LRP1B: variants seen among roughly 807,000 people sequenced by gnomAD.
LRP1B encodes low-density lipoprotein receptor-related protein 1B.
Under a neutral mutation model 556.6 loss-of-function variants are expected in LRP1B, and 217 were observed. The observed-to-expected ratio is 0.39, with a 90% confidence interval of 0.35 to 0.44. The LOEUF is 0.44. Among genes scored for constraint, LRP1B ranks in the 20% least tolerant of loss-of-function variants. The pLI is 1.00. For synonymous variants in LRP1B, 2,047 were observed against 1,865.8 expected, an observed-to-expected ratio of 1.10 and a Z score of -2.50; for missense variants, 5,053 against 5,620.8, an observed-to-expected ratio of 0.90 and a Z score of 3.23.
intron 43 of LRP1B, among the ~76,000 whole-genome samples, chr2:140,552,656 C>A (rs1051517661): frequency 2.6e-5 from 4 of 152,046 alleles, no homozygotes; most frequent in Non-Finnish European, 4.4e-5. Flanking sequence ...TTATGTAGAG[C>A]GCAGAAGCCT....
At chr2:141,006,111 G>T (rs754535965) in intron 14 of LRP1B, among the ~76,000 whole-genome samples, 13 of 151,980 alleles carry the variant, frequency 8.6e-5, no homozygotes, top group Non-Finnish European at 1.3e-4. Context: ...CATTATTCAT[G>T]AACGTATGTG....
At chr2:141,866,648 T>G (rs551305765) in intron 1 of LRP1B, among the ~76,000 whole-genome samples, 1 of 152,096 alleles carries the variant, frequency 6.6e-6, no homozygotes, top group African/African-American at 2.4e-5. Flanking sequence ...ACCGAGAACA[T>G]GTTTTTACTT....
At chr2:141,526,241 T>C (rs1684689765) in intron 2 of LRP1B, among the ~76,000 whole-genome samples, 2 of 152,036 alleles carry the variant, frequency 1.3e-5, no homozygotes, top group South Asian at 4.1e-4. Flanking sequence ...AATCAATGTT[T>C]CTCTTTAGTA....
chr2:141,018,878 T>G (rs1281697186), intron 12 of LRP1B, among the ~76,000 whole-genome samples: 2 of 152,084 alleles, frequency 1.3e-5, no homozygotes, highest in Admixed American at 6.6e-5. Flanking sequence ...TATTTGGAGC[T>G]ACTCTTAACA....
intron 17 of LRP1B, among the ~76,000 whole-genome samples, chr2:140,986,181 T>C (rs1696918584): frequency 6.6e-6 from 1 of 152,076 alleles, no homozygotes. Flanking sequence ...TTTGTTGATA[T>C]TTGAGTTCTC....
chr2:140,254,451 A>G (rs1469406656), intron 86 of LRP1B, among the ~76,000 whole-genome samples: 1 of 152,212 alleles, frequency 6.6e-6, no homozygotes, highest in Admixed American at 6.5e-5. Context: ...GGAAATGAAT[A>G]AGACATACAA....
intron 35 of LRP1B, among the ~76,000 whole-genome samples, chr2:140,734,573 C>G (rs1254230375): frequency 6.6e-6 from 1 of 152,208 alleles, no homozygotes; most frequent in Non-Finnish European, 1.5e-5. Context: ...TTGTCCAGGA[C>G]TCTCCTGATT....
rs488576 is a variant in LRP1B at position 140,644,444 on chromosome 2, G to C, written c.6800-42805C>G. ...AGACAGTGTCTTCCTCTGTCACCTAGGCCAGAGGGAGTGGCACTATGTTCA... is the reference window on the plus strand; with the variant it reads ...AGACAGTGTCTTCCTCTGTCACCTACGCCAGAGGGAGTGGCACTATGTTCA... On this transcript the variant is annotated intron_variant, in intron 41 of 90. Coordinates refer to ENST00000389484, the MANE Select transcript of LRP1B (RefSeq NM_018557.3). Among the ~76,000 whole-genome samples, 1,281 of 143,450 alleles carry C rather than the reference G, an allele frequency of 8.9e-3. 19 individuals are homozygous for C. Among genetic ancestry groups the C allele is most frequent in the African/African-American group, 0.032 (1,225 of 38,238 alleles). The allele number at this position is 143,450 out of a possible 152,430, so 94.1% of individuals were successfully genotyped here.
chr2:140,674,941 C>T (rs1029778513), intron 41 of LRP1B, among the ~76,000 whole-genome samples: 8 of 152,206 alleles, frequency 5.3e-5, no homozygotes, highest in African/African-American at 1.9e-4. Flanking sequence ...TTCAGTCTTA[C>T]AATCAAGATG....
intron 7 of LRP1B, among the ~76,000 whole-genome samples, chr2:141,103,644 A>G (rs1268385701): frequency 6.6e-6 from 1 of 151,688 alleles, no homozygotes; most frequent in Non-Finnish European, 1.5e-5. Flanking sequence ...AACATTTTTG[A>G]ATCACCAAGC....
intron 3 of LRP1B, among the ~76,000 whole-genome samples, chr2:141,409,126 A>G (rs1690754771): frequency 6.6e-6 from 1 of 152,198 alleles, no homozygotes; most frequent in African/African-American, 2.4e-5. Flanking sequence ...GTATACTAAT[A>G]TCTATCATTT....
At chr2:140,465,435 C>T (rs1166093506) in intron 60 of LRP1B, among the ~76,000 whole-genome samples, 2 of 152,160 alleles carry the variant, frequency 1.3e-5, no homozygotes, top group Non-Finnish European at 2.9e-5. Context: ...TAGATTCAAC[C>T]TCAGCCAAAT....
At chr2:140,555,556 A>G (rs1230542687) in intron 43 of LRP1B, among the ~76,000 whole-genome samples, 3 of 152,096 alleles carry the variant, frequency 2.0e-5, no homozygotes, top group African/African-American at 7.2e-5. Flanking sequence ...AATAATTGTT[A>G]GCTATAATTA....
intron 63 of LRP1B, among the ~76,000 whole-genome samples, chr2:140,445,117 T>C (rs1686598808): frequency 6.6e-6 from 1 of 151,980 alleles, no homozygotes; most frequent in Non-Finnish European, 1.5e-5. Flanking sequence ...ATTCTCTCTC[T>C]CTCTTTTTTT....
chr2:141,428,527 A>T (rs1680454442), intron 3 of LRP1B, among the ~76,000 whole-genome samples: 1 of 152,204 alleles, frequency 6.6e-6, no homozygotes, highest in South Asian at 2.1e-4. Context: ...CTTTCACCCC[A>T]TCACATGTAT....
At chr2:141,796,904 C>A (rs1023988620) in intron 2 of LRP1B, among the ~76,000 whole-genome samples, 4 of 150,760 alleles carry the variant, frequency 2.7e-5, no homozygotes, top group Non-Finnish European at 3.0e-5. Context: ...CATTGCTGAA[C>A]CAATTAAATA....
At chr2:140,354,320 G>A (rs968031352) in intron 75 of LRP1B, among the ~76,000 whole-genome samples, 7 of 152,042 alleles carry the variant, frequency 4.6e-5, no homozygotes, top group Non-Finnish European at 1.0e-4. Context: ...AAATCACAAC[G>A]TCAAGGCTTA....
chr2:141,029,609 G>T (rs1407897647), intron 11 of LRP1B, among the ~76,000 whole-genome samples: 1 of 151,988 alleles, frequency 6.6e-6, no homozygotes, highest in Non-Finnish European at 1.5e-5. Context: ...CCTGGGATCC[G>T]CAGCTGTGGC....
intron 3 of LRP1B, among the ~76,000 whole-genome samples, chr2:141,342,919 C>A (rs1046506630): frequency 6.6e-6 from 1 of 152,004 alleles, no homozygotes; most frequent in African/African-American, 2.4e-5. Context: ...GACACGTAAT[C>A]GTCAGATTCA....
Sources: gnomAD v4.1 joint callset for allele counts (sites outside exome capture counted in the v4.1 genomes callset) on GRCh38, gnomAD v4.1.1 for gene constraint, MANE v1.5 for transcripts, NCBI Gene and HGNC (gene_info 2026-07-23, HGNC 2026-07-21) for gene names.